WASHC2A: variants seen among roughly 807,000 people sequenced by gnomAD.
The protein encoded by WASHC2A is WASH complex subunit FAM21A.
Under a neutral mutation model 140.3 loss-of-function variants are expected in WASHC2A, and 82 were observed. The ratio of observed to expected loss-of-function variants is 0.58; its 90% CI spans 0.49 to 0.70. The LOEUF is 0.70. Among genes scored for constraint, WASHC2A ranks in the 30% least tolerant of loss-of-function variants. The pLI is 0.00. For missense variants in WASHC2A, 985 were observed against 1,521.8 expected (o/e 0.65, Z 5.87); for synonymous variants, 340 against 560.8 (o/e 0.61, Z 5.56).
At chr10:50,077,217 C>CT (rs1292446157) in intron 3 of WASHC2A, among the ~76,000 whole-genome samples, 1 of 152,000 alleles carries the variant, frequency 6.6e-6, no homozygotes, top group Non-Finnish European at 1.5e-5. Flanking sequence ...TCATTTGAGC[C>CT]TGGGAGGTGG....
intron 28 of WASHC2A, among the ~76,000 whole-genome samples, chr10:50,128,982 TTAGAC>T (rs1843685990): frequency 6.6e-6 from 1 of 151,936 alleles, no homozygotes; most frequent in African/African-American, 2.4e-5. Flanking sequence ...GAGCCTGAAT[TTAGAC>T]TAGCCCCCTA....
Position 50,110,189 on chromosome 10 carries a change from G to C in WASHC2A, c.1958G>C (p.Ser653Thr). ...GEPRDSGTLQ[S>T]QEAKAVKKTS... ...CCCAGGGATTCTGGGACCCTCCAGA[G>C]CCAGGAGGCCAAGGCTGTGAAAAAG... Residue 653 changes from serine to threonine, a missense_variant, in exon 20 of 31, where the codon AGC becomes ACC. Physicochemically the swap from Ser to Thr is moderately conservative, Grantham distance 58. Coordinates refer to ENST00000282633, the MANE Select transcript of WASHC2A (RefSeq NM_001005751.3). The C allele has an allele frequency of 6.2e-7, 1 of 1,611,722 alleles. No homozygotes were observed.
chr10:50,084,037 A>C (rs1564754349), intron 5 of WASHC2A, 35 bp from the exon 6 acceptor site: 52 of 1,609,476 alleles, frequency 3.2e-5, no homozygotes, highest in Non-Finnish European at 3.9e-5. Context: ...TTTCAACTGA[A>C]ATGTTTGACA....
chr10:50,118,168 A>G, intron 22 of WASHC2A, 110 bp downstream of exon 22: 2 of 1,087,146 alleles, frequency 1.8e-6, no homozygotes, highest in Non-Finnish European at 2.7e-6. Flanking sequence ...GCCCATTTGT[A>G]GACAGATTTG....
At chr10:50,131,910 G>A (rs1269825953) in intron 30 of WASHC2A, among the ~76,000 whole-genome samples, 3 of 152,242 alleles carry the variant, frequency 2.0e-5, no homozygotes, top group Non-Finnish European at 4.4e-5. Context: ...GAAAATGTAA[G>A]AAGTGAATAA....
chr10:50,090,041 C>T (rs1476462077), intron 8 of WASHC2A, among the ~76,000 whole-genome samples: 4 of 150,840 alleles, frequency 2.7e-5, no homozygotes, highest in South Asian at 4.2e-4. Flanking sequence ...ACCTAGGAGG[C>T]GGAGGTTGCA....
chr10:50,127,634 A>C lies in WASHC2A; in HGVS notation c.2926A>C (p.Ile976Leu), dbSNP rs1389414564. 6.2e-6 allele frequency: 10 copies of C among 1,607,038 alleles called. No homozygotes were observed. Among genetic ancestry groups the C allele is most frequent in the Non-Finnish European group, 8.5e-6 (10 of 1,177,832 alleles). ...AALLPTAASQ[I>L]SEVKPVLPEL... ...CTTGCTGCCCACAGCGGCTTCCCAG[A>C]TCTCTGAAGTAAAGCCTGTTTTGCC... is the stretch of plus-strand genomic sequence containing the variant. The change falls in exon 28 of 31, where the codon ATC becomes CTC. Residue 976 changes from isoleucine (I) to leucine (L), a missense_variant. Transcript: ENST00000282633.
intron 11 of WASHC2A, among the ~76,000 whole-genome samples, chr10:50,092,938 G>T (rs1423195416): frequency 6.9e-6 from 1 of 144,680 alleles, no homozygotes; most frequent in African/African-American, 2.6e-5. Context: ...CCTTCCCCCA[G>T]ATTGGTTGGG....
intron 17 of WASHC2A, among the ~76,000 whole-genome samples, chr10:50,100,757 C>T (rs2132697603): frequency 6.6e-6 from 1 of 152,360 alleles, no homozygotes; most frequent in East Asian, 1.9e-4. Context: ...TCTGGCATAG[C>T]CATCTGTCTT....
intron 19 of WASHC2A, among the ~76,000 whole-genome samples, chr10:50,107,648 G>A (rs1468604115): frequency 5.9e-5 from 9 of 152,234 alleles, no homozygotes; most frequent in East Asian, 3.9e-4. Context: ...GCGGCCGGGC[G>A]TGGTGGCTCA....
intron 2 of WASHC2A, among the ~76,000 whole-genome samples, chr10:50,069,319 G>T (rs1469998007): frequency 9.9e-5 from 15 of 151,608 alleles, no homozygotes; most frequent in Non-Finnish European, 2.1e-4. Flanking sequence ...CCAGCTACTC[G>T]GGAGGCTGAG....
At chr10:50,104,538 A>G (rs868973585) in intron 18 of WASHC2A, among the ~76,000 whole-genome samples, 42,043 of 150,606 alleles carry the variant, frequency 0.28, 6,734 homozygotes, top group Middle Eastern at 0.4. Flanking sequence ...TGTATTGTTA[A>G]TAGAGACAGG....
At chr10:50,073,495 T>C (rs1320464133) in intron 3 of WASHC2A, among the ~76,000 whole-genome samples, 1 of 145,766 alleles carries the variant, frequency 6.9e-6, no homozygotes, top group African/African-American at 2.5e-5. Context: ...ATTTTGGTCA[T>C]TTTTCCCTCC....
In WASHC2A at chr10:50,124,987, CCAGCCTTTTG is replaced by C. The variant is rs2133059492; in HGVS notation, c.2479-124_2479-115del. ...CTACTGAGTGGCTTTTAGGCTGTGG[CCAGCCTTTTG>C]CTAATATAATACAGCTGCAGGGGAC... On this transcript the variant is annotated intron_variant, in intron 23 of 30. Transcript: ENST00000282633. 2.4e-6 allele frequency: 3 copies of C among 1,236,158 alleles called. No individual in the cohort carries two copies. The East Asian group carries it at 7.6e-5, about 31-fold the overall frequency. The allele number at this position is 1,236,158 out of a possible 1,614,324, so 76.6% of individuals were successfully genotyped here.
At chr10:50,111,617 C>A (rs2132888152) in intron 20 of WASHC2A, among the ~76,000 whole-genome samples, 1 of 152,338 alleles carries the variant, frequency 6.6e-6, no homozygotes, top group East Asian at 1.9e-4. Flanking sequence ...TGCCAGTTAG[C>A]ATCGTGACTG....
At chr10:50,121,327 AC>A (rs1843000518) in intron 23 of WASHC2A, among the ~76,000 whole-genome samples, 3 of 149,944 alleles carry the variant, frequency 2.0e-5, no homozygotes, top group South Asian at 4.2e-4. Flanking sequence ...ATATGTGAAA[AC>A]CAATTGTAGT....
intron 9 of WASHC2A, among the ~76,000 whole-genome samples, chr10:50,091,203 TAAAAAG>T (rs1343202850): frequency 6.6e-6 from 1 of 151,676 alleles, no homozygotes. Flanking sequence ...AGTCAAGTAT[TAAAAAG>T]AATAAGGAAA....
chr10:50,120,618 CAA>C (rs1161708139), intron 23 of WASHC2A, among the ~76,000 whole-genome samples: 7 of 37,786 alleles, frequency 1.9e-4, no homozygotes, highest in African/African-American at 7.3e-4. Context: ...GACTCCATCT[CAA>C]AAAAAAAAAA....
chr10:50,129,672 G>T lies in WASHC2A; in HGVS notation c.3341G>T (p.Ser1114Ile). 1 of 1,612,070 alleles carries T rather than the reference G, an allele frequency of 6.2e-7. No homozygotes were observed. The highest frequency in any genetic ancestry group is 8.5e-7 in the Non-Finnish European group (1 of 1,179,874). The change falls in exon 29 of 31, where the codon AGC becomes ATC. Residue 1114 changes from serine (S) to isoleucine (I), a missense_variant. Coordinates refer to ENST00000282633, the MANE Select transcript of WASHC2A (RefSeq NM_001005751.3). Reference protein sequence around the residue: ...EGGPVPGVDRSPFAKSLGHSR... With the variant: ...EGGPVPGVDRIPFAKSLGHSR... ...GGTCCTGTGCCTGGAGTGGACAGAA[G>T]CCCCTTTGCAAAGTCTCTGGGTCAT... is the stretch of plus-strand genomic sequence containing the variant.
Sources: allele counts gnomAD v4.1 joint callset (sites outside exome capture counted in the v4.1 genomes callset), GRCh38; gene constraint gnomAD v4.1.1; transcripts MANE v1.5; gene names NCBI Gene and HGNC (gene_info 2026-07-23, HGNC 2026-07-21).